Variants in LARGE1 observed in about 807,000 individuals in gnomAD.
LARGE1 encodes the protein xylosyl- and glucuronyltransferase LARGE1.
Under a neutral mutation model 87.6 loss-of-function variants are expected in LARGE1, and 43 were observed. That is an observed-to-expected ratio of 0.49 (90% CI 0.38 to 0.63). The LOEUF (loss-of-function observed/expected upper bound fraction) is 0.63. LARGE1 is among the 30% of genes least tolerant of loss of function. The pLI is 0.00. For missense variants in LARGE1, 802 were observed against 1,000.2 expected, an observed-to-expected ratio of 0.80 and a Z score of 2.67; for synonymous variants, 434 against 394.6, an observed-to-expected ratio of 1.10 and a Z score of -1.18.
At chr22:33,639,182 G>A (rs1364529255) in intron 3 of LARGE1, among the ~76,000 whole-genome samples, 1 of 152,172 alleles carries the variant, frequency 6.6e-6, no homozygotes, top group African/African-American at 2.4e-5. Flanking sequence ...GAGCTGCCAT[G>A]CTGTGAGGAA....
intron 9 of LARGE1, among the ~76,000 whole-genome samples, chr22:33,358,475 G>A (rs1272206834): frequency 6.6e-6 from 1 of 152,072 alleles, no homozygotes; most frequent in Non-Finnish European, 1.5e-5. Context: ...TGTAGAAACT[G>A]ACACAACTCT....
At chr22:33,561,662 CCTGACCCTGGCCAATA>C (rs2077866785) in intron 6 of LARGE1, among the ~76,000 whole-genome samples, 1 of 152,156 alleles carries the variant, frequency 6.6e-6, no homozygotes, top group South Asian at 2.1e-4. Context: ...ATGGGTGGCT[CCTGACCCTGGCCAATA>C]ATGGTATGTC....
intron 1 of LARGE1, among the ~76,000 whole-genome samples, chr22:33,767,670 T>C (rs890226144): frequency 6.6e-6 from 1 of 152,036 alleles, no homozygotes; most frequent in African/African-American, 2.4e-5. Flanking sequence ...TCATGGATGT[T>C]AGAAATAATT....
intron 7 of LARGE1, among the ~76,000 whole-genome samples, chr22:33,414,620 T>C (rs931094980): frequency 1.3e-5 from 2 of 152,228 alleles, no homozygotes; most frequent in Non-Finnish European, 2.9e-5. Flanking sequence ...TTTTATCTTA[T>C]CAACAAGATC....
intron 2 of LARGE1, among the ~76,000 whole-genome samples, chr22:33,678,474 T>C (rs974852974): frequency 1.3e-5 from 2 of 152,150 alleles, no homozygotes; most frequent in Non-Finnish European, 2.9e-5. Flanking sequence ...GTGACTGACA[T>C]CGCAAAGAAT....
chr22:33,200,172 G>A (rs999991878), intron 11 of LARGE1, among the ~76,000 whole-genome samples: 21 of 152,062 alleles, frequency 1.4e-4, no homozygotes, highest in Non-Finnish European at 2.6e-4. Flanking sequence ...GCTAGGAAAC[G>A]TCAATGAACA....
At chr22:33,827,230 C>T (rs570325522) in intron 1 of LARGE1, among the ~76,000 whole-genome samples, 165 of 151,576 alleles carry the variant, frequency 1.1e-3, no homozygotes, top group African/African-American at 3.7e-3. Flanking sequence ...ATTAGCTGGG[C>T]ATGATGGCAG....
intron 7 of LARGE1, among the ~76,000 whole-genome samples, chr22:33,395,475 G>A (rs1323031786): frequency 1.3e-5 from 2 of 152,226 alleles, no homozygotes; most frequent in African/African-American, 4.8e-5. Context: ...TTCATAGCAT[G>A]TAGAGGACTA....
chr22:33,103,204 C>G, the LARGE1 span, among the ~76,000 whole-genome samples: 1 of 152,030 alleles, frequency 6.6e-6, no homozygotes, highest in African/African-American at 2.4e-5. Context: ...GAGGCCGAGA[C>G]GGGCGGATCC....
chr22:33,327,306 G>A (rs2267191), intron 10 of LARGE1, among the ~76,000 whole-genome samples: 43,837 of 152,092 alleles, frequency 0.29, 6,952 homozygotes, highest in Non-Finnish European at 0.37. Context: ...CCTTCATAGC[G>A]TGAGAGAGTT....
intron 6 of LARGE1, among the ~76,000 whole-genome samples, chr22:33,452,541 G>A (rs556979131): frequency 6.6e-5 from 10 of 152,326 alleles, no homozygotes; most frequent in Admixed American, 2.6e-4. Context: ...TCTGGAAAAC[G>A]TCACTAGTTT....
At chr22:33,481,876 T>C (rs2069345507) in intron 6 of LARGE1, among the ~76,000 whole-genome samples, 1 of 152,134 alleles carries the variant, frequency 6.6e-6, no homozygotes, top group South Asian at 2.1e-4. Flanking sequence ...TTTAGGACAA[T>C]AAAATTTTGA....
At chr22:33,859,269 A>C (rs2063844695) in intron 1 of LARGE1, among the ~76,000 whole-genome samples, 1 of 152,256 alleles carries the variant, frequency 6.6e-6, no homozygotes. Flanking sequence ...ATGTTGTATT[A>C]CTGTACTTCC....
chr22:33,116,083 C>T, the LARGE1 span: 1 of 152,170 alleles, frequency 6.6e-6, no homozygotes, highest in East Asian at 1.9e-4. Context: ...ACCCAAAAAA[C>T]AATCTTATAT....
the LARGE1 span, among the ~76,000 whole-genome samples, chr22:33,154,174 A>C: frequency 6.6e-6 from 1 of 151,928 alleles, no homozygotes; most frequent in Non-Finnish European, 1.5e-5. Flanking sequence ...ATATGGAAAA[A>C]AAAAAAAAAG....
At chr22:33,403,201 C>T (rs1346740201) in intron 7 of LARGE1, among the ~76,000 whole-genome samples, 1 of 152,216 alleles carries the variant, frequency 6.6e-6, no homozygotes, top group African/African-American at 2.4e-5. Flanking sequence ...CCCACAGCTT[C>T]CTGCACGGTA....
At chr22:33,205,601 T>G (rs1924634413) in intron 11 of LARGE1, among the ~76,000 whole-genome samples, 1 of 152,176 alleles carries the variant, frequency 6.6e-6, no homozygotes, top group Non-Finnish European at 1.5e-5. Context: ...AAAGGAGAAT[T>G]TATTAAGCAG....
chr22:33,463,668 T>C (rs747264900), intron 6 of LARGE1, among the ~76,000 whole-genome samples: 3 of 152,146 alleles, frequency 2.0e-5, no homozygotes, highest in African/African-American at 7.2e-5. Context: ...TGACAATTCA[T>C]TGAGCTGGTA....
At chr22:33,602,393 T>C (rs376687219) in intron 5 of LARGE1, among the ~76,000 whole-genome samples, 52 of 152,256 alleles carry the variant, frequency 3.4e-4, no homozygotes, top group African/African-American at 1.2e-3. Context: ...ACCACTACAA[T>C]TGTACCACAT....
Sources: allele counts gnomAD v4.1 joint callset (sites outside exome capture counted in the v4.1 genomes callset), GRCh38; gene constraint gnomAD v4.1.1; transcripts MANE v1.5; gene names NCBI Gene and HGNC (gene_info 2026-07-23, HGNC 2026-07-21).